TET3: variants seen among roughly 807,000 people sequenced by gnomAD.
The protein encoded by TET3 is tet methylcytosine dioxygenase 3.
Under a neutral mutation model 141.4 loss-of-function variants are expected in TET3, and 19 were observed. That is an observed-to-expected ratio of 0.13 (90% CI 0.09 to 0.20). The LOEUF is 0.20. TET3 is among the 10% of genes least tolerant of loss of function. The pLI, the probability that TET3 is intolerant of heterozygous loss-of-function variation, is 1.00. For synonymous variants in TET3, 1,043 were observed against 980.9 expected, an observed-to-expected ratio of 1.06 and a Z score of -1.18; for missense variants, 1,874 against 2,356.9, an observed-to-expected ratio of 0.80 and a Z score of 4.24.
intron 3 of TET3, among the ~76,000 whole-genome samples, chr2:74,033,575 C>G (rs1420085843): frequency 6.6e-6 from 1 of 152,150 alleles, no homozygotes; most frequent in African/African-American, 2.4e-5. Flanking sequence ...ACTGCAGGTC[C>G]AGCTCTAAAC....
rs1573616190 is a variant in TET3, at chr2:73,986,706, G to A, written c.303G>A (p.Glu101=). The part of the protein sequence containing the change: ...VLKKKVGLLK[E]VEIKAGEGAG... ...AGAAAAAAGTAGGGCTTCTCAAGGA[G>A]GTAAGCCGGCCCTTGCTGGGCTACC... The change falls in exon 2 of 12, where the codon GAG becomes GAA. Residue 101 remains glutamate, a splice_region_variant and synonymous_variant. Transcript: ENST00000409262. The A allele has an allele frequency of 8.1e-7, 1 of 1,231,974 alleles. No individual in the cohort carries two copies. Among genetic ancestry groups the A allele is most frequent in the Non-Finnish European group, 1.0e-6 (1 of 987,992 alleles). 76.3% of individuals were successfully genotyped at this position (1,231,974 alleles called of 1,614,324 possible). A position where few individuals can be genotyped will look rare whatever the true frequency, so the allele number is the denominator to read the frequency against.
At chr2:74,032,499 G>A (rs1686799191) in intron 3 of TET3, among the ~76,000 whole-genome samples, 1 of 120,242 alleles carries the variant, frequency 8.3e-6, no homozygotes, top group South Asian at 2.4e-4. Flanking sequence ...GTGTGTGTGT[G>A]TGTGTGTGTT....
At chr2:74,006,233 G>A (rs1296836829) in intron 3 of TET3, among the ~76,000 whole-genome samples, 1 of 152,252 alleles carries the variant, frequency 6.6e-6, no homozygotes, top group Non-Finnish European at 1.5e-5. Flanking sequence ...AGCTTGGGAA[G>A]ATATGGAAGC....
the TET3 span, chr2:74,135,314 C>A: frequency 2.0e-6 from 1 of 505,086 alleles, no homozygotes. Context: ...AAAAAGCTGG[C>A]ACTGCATTCT....
chr2:74,063,495 C>T (rs1301502865), intron 4 of TET3, among the ~76,000 whole-genome samples: 1 of 152,108 alleles, frequency 6.6e-6, no homozygotes, highest in Admixed American at 6.5e-5. Context: ...CTAATTCTGT[C>T]CATCCTTTTT....
At chr2:74,066,735 T>C (rs953026366) in intron 4 of TET3, among the ~76,000 whole-genome samples, 1 of 152,218 alleles carries the variant, frequency 6.6e-6, no homozygotes, top group South Asian at 2.1e-4. Flanking sequence ...TTCTAGGTTG[T>C]CTTGGTTTTA....
At chr2:74,061,624 G>A (rs868789156) in intron 4 of TET3, among the ~76,000 whole-genome samples, 1 of 151,218 alleles carries the variant, frequency 6.6e-6, no homozygotes, top group African/African-American at 2.4e-5. Flanking sequence ...TCCCAGACGG[G>A]GTGGCTGTCA....
At chr2:74,062,631 A>T (rs1211933679) in intron 4 of TET3, among the ~76,000 whole-genome samples, 1 of 152,196 alleles carries the variant, frequency 6.6e-6, no homozygotes, top group Non-Finnish European at 1.5e-5. Context: ...ATTACCAGGG[A>T]TGGTGCTGAT....
Position 73,985,658 on chromosome 2 carries a change from C to T in TET3, c.-424-322C>T, listed in dbSNP as rs576793703. On this transcript the variant is annotated intron_variant, in intron 1 of 11. Coordinates refer to ENST00000409262, the MANE Select transcript of TET3 (RefSeq NM_001287491.2). The stretch of plus-strand genomic sequence containing the variant: ...GCTCAGCTCCCTAGGGAGGGCCCGG[C>T]GGCCTCCAGCCAGGGCGTGTGGGGG... Among the ~76,000 whole-genome samples the T allele has an allele frequency of 6.6e-5, 10 of 152,142 alleles. 1 individual carries two copies. The East Asian group carries it at 1.9e-3, about 30-fold the overall frequency.
intron 3 of TET3, among the ~76,000 whole-genome samples, chr2:74,038,734 C>T (rs890381582): frequency 6.6e-6 from 1 of 152,132 alleles, no homozygotes; most frequent in South Asian, 2.1e-4. Flanking sequence ...CTAGAGACTC[C>T]GGTAGGTTTT....
At chr2:74,044,771 T>C (rs1255305131) in intron 3 of TET3, among the ~76,000 whole-genome samples, 6 of 152,236 alleles carry the variant, frequency 3.9e-5, no homozygotes, top group South Asian at 2.1e-4. Flanking sequence ...TTGGGGACTG[T>C]CTGTACTGTC....
chr2:74,010,976 G>A (rs1335778527), intron 3 of TET3, among the ~76,000 whole-genome samples: 3 of 152,058 alleles, frequency 2.0e-5, no homozygotes, highest in East Asian at 1.9e-4. Flanking sequence ...AGTGGCTCAT[G>A]CGTGTAATCC....
At chr2:74,127,119 C>A in the TET3 span, among the ~76,000 whole-genome samples, 1 of 152,134 alleles carries the variant, frequency 6.6e-6, no homozygotes, top group Non-Finnish European at 1.5e-5. Flanking sequence ...AGCTGCTTGC[C>A]TCTACATTCA....
rs539042692 is a variant in TET3, at chr2:74,032,120, CCTT to C, written c.361-14155_361-14153del. The stretch of plus-strand genomic sequence containing the variant: ...ACTCAAAACTGTGGGCTGCTGTCCT[CCTT>C]CTCTAAACCTGGCCCCTTTGACACA... On this transcript the variant is annotated intron_variant, in intron 3 of 11. Transcript: ENST00000409262. 7.4e-3 allele frequency among the ~76,000 whole-genome samples: 1,127 copies of C among 152,312 alleles called. 27 individuals carry two copies. Among genetic ancestry groups the C allele is most frequent in the Non-Finnish European group, 7.0e-3 (474 of 68,028 alleles).
intron 3 of TET3, among the ~76,000 whole-genome samples, chr2:74,028,880 C>T (rs1179263025): frequency 2.0e-5 from 3 of 152,158 alleles, no homozygotes; most frequent in Non-Finnish European, 4.4e-5. Context: ...TTGTATTTAC[C>T]TTGTCACAGA....
intron 3 of TET3, among the ~76,000 whole-genome samples, chr2:74,026,871 C>T (rs1464950289): frequency 2.0e-5 from 3 of 152,276 alleles, no homozygotes; most frequent in South Asian, 2.1e-4. Flanking sequence ...TTCCAGAGCT[C>T]ATCTCTCTCT....
intron 4 of TET3, among the ~76,000 whole-genome samples, chr2:74,058,096 TC>T (rs1688310042): frequency 6.6e-6 from 1 of 152,260 alleles, no homozygotes; most frequent in African/African-American, 2.4e-5. Context: ...TGGATTAAAT[TC>T]CAGAAGAAGC....
intron 4 of TET3, among the ~76,000 whole-genome samples, chr2:74,058,875 G>T (rs1480261586): frequency 3.9e-5 from 6 of 152,156 alleles, no homozygotes; most frequent in Non-Finnish European, 4.4e-5. Flanking sequence ...GAAAAAAAAA[G>T]TCAGTTGAAG....
At chr2:73,995,027 C>G (rs570250710) in intron 2 of TET3, among the ~76,000 whole-genome samples, 4 of 152,144 alleles carry the variant, frequency 2.6e-5, no homozygotes, top group Non-Finnish European at 5.9e-5. Flanking sequence ...GTGGCGTGAT[C>G]TCAGCTCACT....
Sources: allele counts gnomAD v4.1 joint callset (sites outside exome capture counted in the v4.1 genomes callset), GRCh38; gene constraint gnomAD v4.1.1; transcripts MANE v1.5; gene names NCBI Gene and HGNC (gene_info 2026-07-23, HGNC 2026-07-21).